PPP2R2C: variants seen among roughly 807,000 people sequenced by gnomAD.
PPP2R2C encodes protein phosphatase 2, regulatory subunit B, gamma.
A neutral mutation model predicts 45.3 loss-of-function variants in PPP2R2C; 10 were observed. The observed-to-expected ratio is 0.22, with a 90% CI of 0.14 to 0.37. The LOEUF is 0.37. Among genes scored for constraint, PPP2R2C ranks in the 10% least tolerant of loss-of-function variants. The probability of loss-of-function intolerance (pLI) is 1.00; values close to 1 mark genes in which losing one functional copy is unlikely to be tolerated. For synonymous variants in PPP2R2C, 257 were observed against 245.4 expected (o/e 1.05, Z -0.44); for missense variants, 308 against 619.7 (o/e 0.50, Z 5.34).
In PPP2R2C at chr4:6,380,999, CTGG is replaced by C; in HGVS notation, c.163_165del (p.Pro55del). ...CCACCAGACCCAGGGCTTCGCACCTCTGGTTCCCGCTGGAAGATGACGACCCGG... is the reference window on the plus strand; with the variant it reads ...CCACCAGACCCAGGGCTTCGCACCTCTTCCCGCTGGAAGATGACGACCCGG... On this transcript the variant is annotated inframe_deletion, in exon 2 of 9. Transcript: ENST00000382599. The C allele has an allele frequency of 6.5e-7, 1 of 1,534,638 alleles. No homozygotes were observed. Among genetic ancestry groups the C allele is most frequent in the Non-Finnish European group, 8.8e-7 (1 of 1,135,982 alleles).
intron 5 of PPP2R2C, among the ~76,000 whole-genome samples, chr4:6,362,015 ATGTTTGGGGTGTGTGTG>A (rs1713791717): frequency 6.6e-6 from 1 of 151,072 alleles, no homozygotes; most frequent in African/African-American, 2.4e-5. Context: ...GGGTGGGAAA[ATGTTTGGGGTGTGTGTG>A]TGTTGGAGGG....
chr4:6,556,872 G>T (rs1246881133), intron 1 of PPP2R2C, among the ~76,000 whole-genome samples: 1 of 152,150 alleles, frequency 6.6e-6, no homozygotes, highest in African/African-American at 2.4e-5. Context: ...CCAAAGGAGG[G>T]AAGGGGGAAG....
At chr4:6,476,178 CTG>C (rs1343477462), upstream of PPP2R2C, among the ~76,000 whole-genome samples, 1 of 152,226 alleles carries the variant, frequency 6.6e-6, no homozygotes, top group African/African-American at 2.4e-5. Flanking sequence ...CAAAAGTTAA[CTG>C]TTCAGCTTGA....
chr4:6,474,975 T>C (rs1011791710), upstream of PPP2R2C, among the ~76,000 whole-genome samples: 1 of 152,234 alleles, frequency 6.6e-6, no homozygotes, highest in Non-Finnish European at 1.5e-5. Flanking sequence ...CTCCTCTCTG[T>C]ACTTTCATTC....
chr4:6,377,443 G>A (rs944224708), intron 3 of PPP2R2C, among the ~76,000 whole-genome samples: 1 of 152,014 alleles, frequency 6.6e-6, no homozygotes, highest in African/African-American at 2.4e-5. Context: ...ATCACCCGAG[G>A]TCAGGAGTTC....
chr4:6,362,267 A>G (rs977723049), intron 5 of PPP2R2C, among the ~76,000 whole-genome samples: 1 of 152,106 alleles, frequency 6.6e-6, no homozygotes, highest in Non-Finnish European at 1.5e-5. Context: ...AGGGGTCCTG[A>G]CATAAGGCTG....
intron 1 of PPP2R2C, among the ~76,000 whole-genome samples, chr4:6,431,235 C>A (rs1719599355): frequency 6.6e-6 from 1 of 152,214 alleles, no homozygotes; most frequent in South Asian, 2.1e-4. Context: ...GCAGCCCCTG[C>A]CAGCTTCCAT....
intron 6 of PPP2R2C, among the ~76,000 whole-genome samples, chr4:6,347,501 G>A (rs1169914392): frequency 6.6e-6 from 1 of 152,132 alleles, no homozygotes; most frequent in African/African-American, 2.4e-5. Flanking sequence ...GGCCACAGAG[G>A]AGGATCCAGA....
intron 5 of PPP2R2C, chr4:6,348,746 G>A: frequency 2.1e-6 from 2 of 964,104 alleles, no homozygotes; most frequent in Non-Finnish European, 1.2e-6. Flanking sequence ...AAACCCTGGA[G>A]CTTGAGGGTG....
At position 6,329,211 on chromosome 4, in the gene PPP2R2C, C is replaced by G. The variant is rs6829844; in HGVS notation, c.1052+51G>C. Reference sequence around the variant, plus strand: ...AATCCCAGCCCAGACCCCTGCAGGGCAGAAACCCTCCCTACGGTGAGGTGA... The same window carrying G: ...AATCCCAGCCCAGACCCCTGCAGGGGAGAAACCCTCCCTACGGTGAGGTGA... On this transcript the variant is annotated intron_variant, in intron 8 of 8. Transcript: ENST00000382599. The surrounding 1 kb of genome is among the most constrained non-coding windows in gnomAD (Gnocchi z 5.8). 100,852 of 1,557,748 alleles carry G rather than the reference C, an allele frequency of 0.065. 12,341 individuals are homozygous for G. Among genetic ancestry groups the G allele is most frequent in the African/African-American group, 0.53 (39,105 of 73,656 alleles).
At chr4:6,346,054 C>T (rs550677385) in intron 6 of PPP2R2C, among the ~76,000 whole-genome samples, 26 of 152,246 alleles carry the variant, frequency 1.7e-4, no homozygotes, top group South Asian at 6.2e-4. Flanking sequence ...CACAGAGTCA[C>T]GCCCCACAAG....
chr4:6,402,412 T>C (rs1717475482), intron 1 of PPP2R2C, among the ~76,000 whole-genome samples: 1 of 152,200 alleles, frequency 6.6e-6, no homozygotes, highest in South Asian at 2.1e-4. Context: ...CGGTTATGTC[T>C]CCTCAGTGTT....
In PPP2R2C at chr4:6,563,296, G is replaced by C. The variant is rs915391796; in HGVS notation, c.-59+264C>G. Among the ~76,000 whole-genome samples the C allele has an allele frequency of 6.6e-6, 1 of 152,156 alleles. No homozygotes were observed. Among genetic ancestry groups the C allele is most frequent in the Non-Finnish European group, 1.5e-5 (1 of 68,012 alleles). ...CTGTCGGGTTCCCTCAAGACCCCGA[G>C]AGCACGCGCTCCGGAGGGACCCCGG... On this transcript the variant is annotated intron_variant, in intron 1 of 9. Transcript: ENST00000506140. This position sits in a 1 kb window ranked among gnomAD's most constrained non-coding sequence, Gnocchi z 5.8.
chr4:6,465,328 A>G (rs540121897), intron 1 of PPP2R2C, among the ~76,000 whole-genome samples: 3 of 152,224 alleles, frequency 2.0e-5, no homozygotes, highest in Admixed American at 6.5e-5. Flanking sequence ...CATGGACCCA[A>G]TGGGTGAGAG....
Position 6,504,876 on chromosome 4 carries a change from A to ATGACC in PPP2R2C, c.49+30394_49+30395insGGTCA, listed in dbSNP as rs539325821. Among the ~76,000 whole-genome samples, 313 of 152,338 alleles carry ATGACC rather than the reference A, an allele frequency of 2.1e-3. No individual in the cohort carries two copies. The Middle Eastern group carries it at 0.024, about 12-fold the overall frequency. On this transcript the variant is annotated intron_variant, in intron 2 of 9. Transcript: ENST00000506140. ...GAAGGTGACAAAAGAACGAGGCACA[A>ATGACC]AAGTATAACAATGGCTGAAAATGAC...
chr4:6,549,023 T>C (rs963864805), intron 1 of PPP2R2C, among the ~76,000 whole-genome samples: 1 of 152,208 alleles, frequency 6.6e-6, no homozygotes. Flanking sequence ...AGATCCCCCA[T>C]TGGCTCAGTT....
Position 6,366,288 on chromosome 4 carries a change from G to A in PPP2R2C, c.625+6235C>T, listed in dbSNP as rs114414765. ...GAGCAATGGGTCTCAGCCCAGGCCC[G>A]CCAGGGCCCAAAGCCCGGGCTCCTT... On this transcript the variant is annotated intron_variant, in intron 5 of 8. Coordinates refer to ENST00000382599, the MANE Select transcript of PPP2R2C (RefSeq NM_020416.4). Among the ~76,000 whole-genome samples the A allele has an allele frequency of 3.3e-3, 499 of 152,312 alleles. 3 individuals are homozygous for A. The highest frequency in any genetic ancestry group is 8.1e-3 in the African/African-American group (335 of 41,576).
At chr4:6,348,411 A>G (rs1380479258) in intron 5 of PPP2R2C, among the ~76,000 whole-genome samples, 1 of 151,910 alleles carries the variant, frequency 6.6e-6, no homozygotes. Context: ...TGCCGACTGC[A>G]TGCTGGGCAG....
intron 5 of PPP2R2C, among the ~76,000 whole-genome samples, chr4:6,359,256 A>T (rs1315171227): frequency 2.0e-5 from 3 of 152,234 alleles, no homozygotes; most frequent in African/African-American, 7.2e-5. Context: ...CAGAAAATCA[A>T]ACTCCACATG....
Sources: allele counts gnomAD v4.1 joint callset (sites outside exome capture counted in the v4.1 genomes callset), GRCh38; gene constraint gnomAD v4.1.1; non-coding constraint Gnocchi (gnomAD v3.1); transcripts MANE v1.5; gene names NCBI Gene and HGNC (gene_info 2026-07-23, HGNC 2026-07-21).